ZCCHC7: variants seen among roughly 807,000 people sequenced by gnomAD.
The protein encoded by ZCCHC7 is zinc finger CCHC-type containing 7, also known as zinc finger CCHC domain-containing protein 7.
In ZCCHC7, 35 loss-of-function variants were observed where a neutral mutation model predicts 52.0. The observed-to-expected ratio is 0.67, with a 90% confidence interval of 0.51 to 0.89. The LOEUF (loss-of-function observed/expected upper bound fraction) is 0.89. Ranked by LOEUF, ZCCHC7 falls within the 40% of genes least tolerant of loss-of-function variation. The pLI is 0.00. For synonymous variants in ZCCHC7, 217 were observed against 221.5 expected, an observed-to-expected ratio of 0.98 and a Z score of 0.18; for missense variants, 574 against 649.1, an observed-to-expected ratio of 0.88 and a Z score of 1.26.
chr9:37,221,481 A>G (rs566509869), intron 2 of ZCCHC7, among the ~76,000 whole-genome samples: 1 of 152,224 alleles, frequency 6.6e-6, no homozygotes, highest in Non-Finnish European at 1.5e-5. Context: ...AGCAAAGAAT[A>G]TTTAAGGCAA....
intron 2 of ZCCHC7, among the ~76,000 whole-genome samples, chr9:37,131,258 T>C (rs892813025): frequency 1.3e-4 from 20 of 150,332 alleles, no homozygotes; most frequent in Admixed American, 6.0e-4. Context: ...GAGAATGGTG[T>C]GAACCTGGGA....
rs149384837 is a variant in ZCCHC7 at position 37,231,489 on chromosome 9, A to G, written c.611-70699A>G. ...TTGTGTTTTATATTTGTTCCTGGTTAATAGGTAAGCTGTTGTTTTGTATAT... is the reference window on the plus strand; with the variant it reads ...TTGTGTTTTATATTTGTTCCTGGTTGATAGGTAAGCTGTTGTTTTGTATAT... On this transcript the variant is annotated intron_variant, in intron 2 of 8. Coordinates refer to ENST00000336755, the MANE Select transcript of ZCCHC7 (RefSeq NM_032226.3). 5.1e-4 allele frequency among the ~76,000 whole-genome samples: 78 copies of G among 152,238 alleles called. 1 individual carries two copies. The highest frequency in any genetic ancestry group is 2.7e-3 in the Admixed American group (42 of 15,290).
intron 2 of ZCCHC7, among the ~76,000 whole-genome samples, chr9:37,228,249 G>C (rs1269534282): frequency 6.6e-6 from 1 of 152,130 alleles, no homozygotes; most frequent in Non-Finnish European, 1.5e-5. Context: ...TTATGAAAAA[G>C]CATGAAGGAA....
intron 2 of ZCCHC7, among the ~76,000 whole-genome samples, chr9:37,177,064 G>A (rs745592619): frequency 1.3e-5 from 2 of 152,206 alleles, no homozygotes; most frequent in African/African-American, 4.8e-5. Flanking sequence ...GATCTAGGCC[G>A]GGTGTGGTGG....
intron 5 of ZCCHC7, among the ~76,000 whole-genome samples, chr9:37,324,333 T>G (rs1457771415): frequency 6.6e-6 from 1 of 152,186 alleles, no homozygotes; most frequent in East Asian, 1.9e-4. Context: ...CTGGCCGCGC[T>G]CTCATTAAGA....
chr9:37,228,653 G>A (rs1825239911), intron 2 of ZCCHC7, among the ~76,000 whole-genome samples: 1 of 151,802 alleles, frequency 6.6e-6, no homozygotes, highest in South Asian at 2.1e-4. Flanking sequence ...ACTGGTGTGA[G>A]CCCCTGTTTC....
intron 6 of ZCCHC7, among the ~76,000 whole-genome samples, chr9:37,332,929 A>G (rs1165548220): frequency 6.6e-6 from 1 of 151,590 alleles, no homozygotes; most frequent in African/African-American, 2.4e-5. Context: ...GAATAAGATC[A>G]TTTAGATTTG....
intron 2 of ZCCHC7, among the ~76,000 whole-genome samples, chr9:37,176,804 A>AAT (rs1488793722): frequency 6.6e-5 from 10 of 152,220 alleles, no homozygotes; most frequent in African/African-American, 2.4e-4. Flanking sequence ...AAATTAGGGG[A>AAT]ATAACTGAAG....
intron 2 of ZCCHC7, among the ~76,000 whole-genome samples, chr9:37,216,647 G>A (rs1271966545): frequency 6.6e-6 from 1 of 152,060 alleles, no homozygotes; most frequent in East Asian, 1.9e-4. Flanking sequence ...GCACTCCAGC[G>A]TGGGCAACAA....
At chr9:37,290,435 C>T (rs982367865) in intron 2 of ZCCHC7, among the ~76,000 whole-genome samples, 1 of 152,102 alleles carries the variant, frequency 6.6e-6, no homozygotes, top group African/African-American at 2.4e-5. Flanking sequence ...GCGGGTGAAT[C>T]ACTTAAGCCC....
chr9:37,129,847 C>T (rs1297050355), intron 2 of ZCCHC7, among the ~76,000 whole-genome samples: 1 of 152,186 alleles, frequency 6.6e-6, no homozygotes. Context: ...TACCTGCTTT[C>T]TCATCAATTG....
Position 37,356,858 on chromosome 9 carries a change from C to T in ZCCHC7, c.1222C>T (p.Pro408Ser). 4 of 1,603,506 alleles carry T rather than the reference C, an allele frequency of 2.5e-6. No individual in the cohort carries two copies. The highest frequency in any genetic ancestry group is 3.4e-6 in the Non-Finnish European group (4 of 1,177,254). ...AGTACTCAAGAAAAATGGGGTTATC[C>T]CAGAGCCATCCAAGCTACCTTATAT... ...IKVLKKNGVI[P>S]EPSKLPYIKA... Residue 408 changes from proline to serine, a missense_variant, in exon 9 of 9, where the codon CCA becomes TCA. This residue lies in a region of ZCCHC7 where 168 missense variants were observed against 171.6 expected (regional missense o/e 0.98). Coordinates refer to ENST00000336755, the MANE Select transcript of ZCCHC7 (RefSeq NM_032226.3).
intron 2 of ZCCHC7, among the ~76,000 whole-genome samples, chr9:37,238,151 G>A (rs1347527856): frequency 1.3e-5 from 2 of 152,072 alleles, no homozygotes; most frequent in Admixed American, 6.5e-5. Context: ...CTTGAAGAAA[G>A]GAGAGATTTG....
chr9:37,122,837 G>A (rs922801290), intron 1 of ZCCHC7, among the ~76,000 whole-genome samples: 5 of 152,252 alleles, frequency 3.3e-5, no homozygotes, highest in African/African-American at 9.6e-5. Context: ...CTTGGGAGGC[G>A]GAGGCAGGAG....
intron 3 of ZCCHC7, among the ~76,000 whole-genome samples, chr9:37,303,435 A>G (rs1203099164): frequency 1.3e-5 from 2 of 151,702 alleles, no homozygotes; most frequent in African/African-American, 2.4e-5. Context: ...CAAAAAAAAA[A>G]AAAGAAAGAA....
chr9:37,354,195 C>T lies in ZCCHC7; in HGVS notation c.1084-515C>T, dbSNP rs1821557393. On this transcript the variant is annotated intron_variant, in intron 7 of 8. Coordinates refer to ENST00000336755, the MANE Select transcript of ZCCHC7 (RefSeq NM_032226.3). This position sits in a 1 kb window ranked among gnomAD's most constrained non-coding sequence, Gnocchi z 4.0. ...CAACCTACCCCCCACCGTTAAGAAT[C>T]ACTACCCCTATAAGCAGTGAATGTT... Among the ~76,000 whole-genome samples, 1 of 152,174 alleles carries T rather than the reference C, an allele frequency of 6.6e-6. No homozygotes were observed. The highest frequency in any genetic ancestry group is 2.4e-5 in the African/African-American group (1 of 41,432).
intron 2 of ZCCHC7, among the ~76,000 whole-genome samples, chr9:37,181,642 T>A (rs1197549060): frequency 6.6e-6 from 1 of 152,150 alleles, no homozygotes; most frequent in African/African-American, 2.4e-5. Context: ...GTGATTCCAT[T>A]TACGTGAAAT....
chr9:37,213,977 G>C (rs577630747), intron 2 of ZCCHC7, among the ~76,000 whole-genome samples: 1 of 151,724 alleles, frequency 6.6e-6, no homozygotes, highest in East Asian at 1.9e-4. Flanking sequence ...CCAATATTTG[G>C]TATGAGATTC....
intron 2 of ZCCHC7, among the ~76,000 whole-genome samples, chr9:37,270,126 T>C (rs915494895): frequency 6.6e-6 from 1 of 152,230 alleles, no homozygotes; most frequent in Admixed American, 6.5e-5. Context: ...TGTTAAAATA[T>C]TTTAGCTATA....
Sources: gnomAD v4.1 joint callset for allele counts (sites outside exome capture counted in the v4.1 genomes callset) on GRCh38, gnomAD v4.1.1 for gene constraint, gnomAD v4.1.1 regional missense constraint, Gnocchi (gnomAD v3.1) non-coding constraint, MANE v1.5 for transcripts, NCBI Gene and HGNC (gene_info 2026-07-23, HGNC 2026-07-21) for gene names.